The following TNFRSF11A variants were observed in gnomAD, a reference collection of about 807,000 sequenced individuals.
TNFRSF11A encodes tumor necrosis factor receptor superfamily member 11A.
In TNFRSF11A, 32 loss-of-function variants were observed where a neutral mutation model predicts 55.7. The ratio of observed to expected loss-of-function variants is 0.57; its 90% CI spans 0.43 to 0.77. The LOEUF (loss-of-function observed/expected upper bound fraction) is 0.77, where lower values mean the gene tolerates loss of function less well. Among genes scored for constraint, TNFRSF11A ranks in the 30% least tolerant of loss-of-function variants. The pLI is 0.00. For missense variants in TNFRSF11A, 753 were observed against 809.8 expected (o/e 0.93, Z 0.85); for synonymous variants, 311 against 331.0 (o/e 0.94, Z 0.65).
chr18:62,349,094 C>T (rs182427390), intron 2 of TNFRSF11A, among the ~76,000 whole-genome samples: 1 of 151,900 alleles, frequency 6.6e-6, no homozygotes, highest in Admixed American at 6.5e-5. Context: ...TTGCCTACCC[C>T]TCTTATTCCC....
intron 1 of TNFRSF11A, among the ~76,000 whole-genome samples, chr18:62,346,654 C>A (rs923516487): frequency 2.0e-5 from 3 of 152,178 alleles, no homozygotes; most frequent in African/African-American, 7.2e-5. Context: ...CCTCATAACC[C>A]CTTTGCTGGC....
intron 3 of TNFRSF11A, 142 bp downstream of exon 3, chr18:62,350,079 T>A: frequency 8.7e-7 from 1 of 1,145,460 alleles, no homozygotes; most frequent in Non-Finnish European, 1.3e-6. Flanking sequence ...CCAAGAAAGA[T>A]GCGTTTTAGA....
chr18:62,372,556 A>C (rs796261830), intron 9 of TNFRSF11A, among the ~76,000 whole-genome samples: 2 of 151,710 alleles, frequency 1.3e-5, no homozygotes, highest in Non-Finnish European at 2.9e-5. Context: ...GTACATGTGC[A>C]GGTTTGTACC....
intron 1 of TNFRSF11A, among the ~76,000 whole-genome samples, chr18:62,329,999 C>G (rs1470742064): frequency 6.6e-6 from 1 of 152,194 alleles, no homozygotes; most frequent in Non-Finnish European, 1.5e-5. Flanking sequence ...GACTTTCAGC[C>G]TTTGAGTGCT....
chr18:62,336,815 C>G (rs1312192882), intron 1 of TNFRSF11A: 1 of 152,202 alleles, frequency 6.6e-6, no homozygotes, highest in Non-Finnish European at 1.5e-5. Flanking sequence ...AAGACACTTG[C>G]AATTAAAGTT....
chr18:62,342,649 G>A (rs556088187), intron 1 of TNFRSF11A, among the ~76,000 whole-genome samples: 1 of 152,244 alleles, frequency 6.6e-6, no homozygotes, highest in Non-Finnish European at 1.5e-5. Context: ...GATAAATTTA[G>A]CTGGAGAAAG....
chr18:62,378,731 A>G, intron 9 of TNFRSF11A, among the ~76,000 whole-genome samples: 1 of 152,314 alleles, frequency 6.6e-6, no homozygotes, highest in South Asian at 2.1e-4. Context: ...TGCTTGCTCT[A>G]CGCAGTTGCA....
chr18:62,338,695 TACA>T (rs1283430319), intron 1 of TNFRSF11A, among the ~76,000 whole-genome samples: 9 of 152,206 alleles, frequency 5.9e-5, no homozygotes, highest in African/African-American at 2.2e-4. Flanking sequence ...AGTTAACGGT[TACA>T]GAGATTCTAT....
intron 1 of TNFRSF11A, among the ~76,000 whole-genome samples, chr18:62,340,572 ATATTTT>A: frequency 6.6e-6 from 1 of 152,090 alleles, no homozygotes; most frequent in Non-Finnish European, 1.5e-5. Flanking sequence ...AACTAGACAC[ATATTTT>A]CATATTGTAC....
rs1456361796 is a variant in TNFRSF11A at position 62,385,697 on chromosome 18, G to C, written c.*663G>C. ...AGACACGGTCCCACCATGTTACCCAGCCTGGTCTCAAACTCCCCAGCTAAA... is the reference window on the plus strand; with the variant it reads ...AGACACGGTCCCACCATGTTACCCACCCTGGTCTCAAACTCCCCAGCTAAA... On this transcript the variant is annotated 3_prime_UTR_variant, in exon 10 of 10. Coordinates refer to ENST00000586569, the MANE Select transcript of TNFRSF11A (RefSeq NM_003839.4). 2 of 121,466 alleles carry C rather than the reference G, an allele frequency of 1.6e-5. No homozygotes were observed. Among genetic ancestry groups the C allele is most frequent in the Admixed American group, 9.9e-5 (1 of 10,146 alleles). 7.5% of individuals were successfully genotyped at this position (121,466 alleles called of 1,614,324 possible). A position where few individuals can be genotyped will look rare whatever the true frequency, so the allele number is the denominator to read the frequency against.
intron 1 of TNFRSF11A, chr18:62,336,861 G>C (rs930733413): frequency 6.6e-6 from 1 of 152,184 alleles, no homozygotes; most frequent in African/African-American, 2.4e-5. Context: ...TTTCCCTTGG[G>C]CCATATGTTT....
At chr18:62,373,564 G>T (rs1230042466) in intron 9 of TNFRSF11A, among the ~76,000 whole-genome samples, 3 of 152,206 alleles carry the variant, frequency 2.0e-5, no homozygotes, top group Non-Finnish European at 1.5e-5. Flanking sequence ...ATCCATTCAG[G>T]AATAAATAGA....
rs138552678 is a variant in TNFRSF11A, at chr18:62,344,076, C to T, written c.76-4092C>T. On this transcript the variant is annotated intron_variant, in intron 1 of 9. Coordinates refer to ENST00000586569, the MANE Select transcript of TNFRSF11A (RefSeq NM_003839.4). ...GCGGCTGTGATGTAGAATAGGCCCT[C>T]GATTAGATCACAAGTTCATTCTCCT... Among the ~76,000 whole-genome samples the T allele has an allele frequency of 2.0e-5, 3 of 152,254 alleles. No individual in the cohort carries two copies. The East Asian group carries it at 5.8e-4, about 29-fold the overall frequency.
chr18:62,370,884 C>T (rs1910500362), intron 9 of TNFRSF11A, among the ~76,000 whole-genome samples: 1 of 151,002 alleles, frequency 6.6e-6, no homozygotes, highest in Admixed American at 6.6e-5. Context: ...GGCTGGAGTG[C>T]AGTGGCGCGA....
chr18:62,381,436 A>G (rs772341395), intron 9 of TNFRSF11A, among the ~76,000 whole-genome samples: 2 of 152,244 alleles, frequency 1.3e-5, no homozygotes, highest in African/African-American at 2.4e-5. Context: ...GAGAAATAAT[A>G]TATACCATGA....
intron 5 of TNFRSF11A, among the ~76,000 whole-genome samples, chr18:62,359,441 A>G (rs1909508374): frequency 6.6e-6 from 1 of 152,008 alleles, no homozygotes; most frequent in Admixed American, 6.6e-5. Flanking sequence ...GTGCAGTGGT[A>G]CAAACACGGC....
intron 1 of TNFRSF11A, among the ~76,000 whole-genome samples, chr18:62,332,377 T>C (rs1457366505): frequency 2.0e-5 from 3 of 152,212 alleles, no homozygotes; most frequent in Non-Finnish European, 4.4e-5. Flanking sequence ...AAGGCCCCTG[T>C]CTTCTCTCAA....
rs557914191 is a variant in TNFRSF11A, at chr18:62,366,727, C to A, written c.750C>A (p.Ile250=). 7 of 1,614,154 alleles carry A rather than the reference C, an allele frequency of 4.3e-6. No homozygotes were observed. Among genetic ancestry groups the A allele is most frequent in the Non-Finnish European group, 5.9e-6 (7 of 1,180,030 alleles). ...TTCTAGCTAATTTGTGGCACTGGAT[C>A]AATGAGGCTTGTGGCCGCCTAAGTG... ...KALTANLWHW[I]NEACGRLSGD... is the part of the protein sequence containing the mutation. Residue 250 remains isoleucine (I), a synonymous_variant, in exon 8 of 10, where the codon ATC becomes ATA. Transcript: ENST00000586569.
intron 1 of TNFRSF11A, among the ~76,000 whole-genome samples, chr18:62,335,135 T>TTTTTTTTTTTTTTTTTTTTTTTTTTTTG (rs2046212712): frequency 6.6e-6 from 1 of 150,900 alleles, no homozygotes; most frequent in Non-Finnish European, 1.5e-5. Context: ...CGGAATTTTT[T>TTTTTTTTTTTTTTTTTTTTTTTTTTTTG]TTTTTTTTTT....
Sources: gnomAD v4.1 joint callset for allele counts (sites outside exome capture counted in the v4.1 genomes callset) on GRCh38, gnomAD v4.1.1 for gene constraint, MANE v1.5 for transcripts, NCBI Gene and HGNC (gene_info 2026-07-23, HGNC 2026-07-21) for gene names.